TPCN1: variants seen among roughly 807,000 people sequenced by gnomAD.
TPCN1 encodes two pore segment channel 1, also known as two pore channel protein 1.
A neutral mutation model predicts 108.8 loss-of-function variants in TPCN1; 52 were observed. The ratio of observed to expected loss-of-function variants is 0.48; its 90% CI spans 0.38 to 0.60. The LOEUF is 0.60. TPCN1 is among the 20% of genes least tolerant of loss of function. TPCN1 has a pLI of 0.00. For missense variants in TPCN1, 806 were observed against 1,072.8 expected, an observed-to-expected ratio of 0.75 and a Z score of 3.47; for synonymous variants, 446 against 433.7, an observed-to-expected ratio of 1.03 and a Z score of -0.35.
intron 2 of TPCN1, among the ~76,000 whole-genome samples, chr12:113,254,121 A>G (rs1249322854): frequency 6.6e-6 from 1 of 152,230 alleles, no homozygotes; most frequent in African/African-American, 2.4e-5. Flanking sequence ...CAAACCACCA[A>G]AGCTTTCTCA....
chr12:113,249,417 G>C (rs1954542759), intron 2 of TPCN1: 1 of 152,238 alleles, frequency 6.6e-6, no homozygotes. Context: ...CTCTGGATGG[G>C]GAGCCAGGAA....
chr12:113,290,835 A>G, intron 22 of TPCN1, 117 bp from the exon 23 acceptor site: 1 of 960,928 alleles, frequency 1.0e-6, no homozygotes, highest in South Asian at 1.3e-5. Context: ...CCAAGCGGTC[A>G]TATGGTGACC....
rs1032408617 is a variant in TPCN1 at position 113,288,568 on chromosome 12, G to A, written c.1707-190G>A. On this transcript the variant is annotated intron_variant, in intron 20 of 27. Coordinates refer to ENST00000335509, the MANE Select transcript of TPCN1 (RefSeq NM_017901.6). This position sits in a 1 kb window ranked among gnomAD's most constrained non-coding sequence, Gnocchi z 4.8. ...TGGGAAAGGGGCATTTGTTCATAGC[G>A]TCCTGACTTGAGCTGTTTTTCACCC... 2.9e-5 allele frequency: 43 copies of A among 1,468,940 alleles called. No individual in the cohort carries two copies. Among genetic ancestry groups the A allele is most frequent in the East Asian group, 7.4e-5 (3 of 40,348 alleles). The allele number at this position is 1,468,940 out of a possible 1,614,324, so 91.0% of individuals were successfully genotyped here. A position where few individuals can be genotyped will look rare whatever the true frequency, so the allele number is the denominator to read the frequency against.
intron 11 of TPCN1, 38 bp downstream of exon 11, chr12:113,277,073 C>T: frequency 6.3e-7 from 1 of 1,595,382 alleles, no homozygotes; most frequent in Non-Finnish European, 8.6e-7. Flanking sequence ...TGGTCCCTGT[C>T]CTCCCTCCCT....
In TPCN1 at chr12:113,273,559, G is replaced by A; in HGVS notation, c.843-10G>A. 3 of 1,611,208 alleles carry A rather than the reference G, an allele frequency of 1.9e-6. No homozygotes were observed. Among genetic ancestry groups the A allele is most frequent in the African/African-American group, 1.3e-5 (1 of 74,976 alleles). ...GATACAGCACGCCGGGTCACCCTCT[G>A]CAAATACAGTTTCCCAGATGTGATG... On this transcript the variant is annotated splice_polypyrimidine_tract_variant and intron_variant, in intron 9 of 27. Transcript: ENST00000335509. This position sits in a 1 kb window ranked among gnomAD's most constrained non-coding sequence, Gnocchi z 4.0.
intron 2 of TPCN1, among the ~76,000 whole-genome samples, chr12:113,257,841 G>A (rs1233914762): frequency 6.6e-6 from 1 of 152,106 alleles, no homozygotes; most frequent in Non-Finnish European, 1.5e-5. Context: ...GGTACACAGT[G>A]CAATGTGGAT....
rs751318354 is a variant in TPCN1, at chr12:113,293,306, C to T, written c.2291C>T (p.Thr764Ile). ...SMVFLGRRSRTKSDLSLKMYQ... is the reference protein window; with the variant it reads ...SMVFLGRRSRIKSDLSLKMYQ... ...GTGTTTCTGGGACGGCGATCAAGGA[C>T]CAAGAGCGACCTGAGCCTGAAGATG... Residue 764 changes from threonine to isoleucine, a missense_variant, in exon 27 of 28, where the codon ACC (threonine) becomes ATC (isoleucine). Transcript: ENST00000335509. 6.2e-7 allele frequency: 1 copy of T among 1,614,082 alleles called. No individual in the cohort carries two copies. Among genetic ancestry groups the T allele is most frequent in the Non-Finnish European group, 8.5e-7 (1 of 1,180,034 alleles).
Position 113,269,555 on chromosome 12 carries a change from C to T in TPCN1, c.660-202C>T, listed in dbSNP as rs1204091252. On this transcript the variant is annotated intron_variant, in intron 6 of 27. Coordinates refer to ENST00000335509, the MANE Select transcript of TPCN1 (RefSeq NM_017901.6). This position sits in a 1 kb window ranked among gnomAD's most constrained non-coding sequence, Gnocchi z 5.0. The stretch of plus-strand genomic sequence containing the variant: ...ACCAGGTGGAGGTGGCTGTGTGCTA[C>T]GCCTGCCCTAGTTCTTCCCTGCCAT... Among the ~76,000 whole-genome samples the T allele has an allele frequency of 2.0e-5, 3 of 152,170 alleles. No individual in the cohort carries two copies. Among genetic ancestry groups the T allele is most frequent in the African/African-American group, 4.8e-5 (2 of 41,434 alleles).
At chr12:113,265,552 T>C (rs534559990) in intron 3 of TPCN1, among the ~76,000 whole-genome samples, 20 of 150,840 alleles carry the variant, frequency 1.3e-4, no homozygotes, top group South Asian at 1.0e-3. Flanking sequence ...TTCTTTCTTT[T>C]TTTTTTTTTT....
chr12:113,270,120 C>T (rs564633200), intron 7 of TPCN1, among the ~76,000 whole-genome samples: 4 of 151,900 alleles, frequency 2.6e-5, no homozygotes, highest in South Asian at 2.1e-4. Flanking sequence ...TGCTTGAACC[C>T]GGGAGGCCAA....
At chr12:113,264,436 T>G (rs1955166896) in intron 3 of TPCN1, among the ~76,000 whole-genome samples, 1 of 152,154 alleles carries the variant, frequency 6.6e-6, no homozygotes, top group Non-Finnish European at 1.5e-5. Context: ...CCCAGCACTT[T>G]GGGAGGCTGA....
rs987628563 is a variant in TPCN1, at chr12:113,229,243, A to G, written c.112+2279A>G. Reference sequence around the variant, plus strand: ...GGTCCAGGGACATTGTTTTTCCTGTACAGCACATTAGTATCTTAGTTTCTT... The same window carrying G: ...GGTCCAGGGACATTGTTTTTCCTGTGCAGCACATTAGTATCTTAGTTTCTT... On this transcript the variant is annotated intron_variant, in intron 2 of 27. Coordinates refer to ENST00000335509, the MANE Select transcript of TPCN1 (RefSeq NM_017901.6). Among the ~76,000 whole-genome samples, 2 of 152,354 alleles carry G rather than the reference A, an allele frequency of 1.3e-5. 1 individual carries two copies. The highest frequency in any genetic ancestry group is 4.1e-4 in the South Asian group (2 of 4,834).
chr12:113,233,658 G>A (rs1004215121), intron 2 of TPCN1, among the ~76,000 whole-genome samples: 2 of 152,248 alleles, frequency 1.3e-5, no homozygotes, highest in Non-Finnish European at 2.9e-5. Context: ...GGATGTGCCT[G>A]GGTCAGGGTA....
chr12:113,286,058 C>T (rs909195682), intron 18 of TPCN1, 97 bp downstream of exon 18: 4 of 1,125,766 alleles, frequency 3.6e-6, no homozygotes, highest in Non-Finnish European at 4.0e-6. Flanking sequence ...TTTCTGGAAT[C>T]GCAGAGGGAG....
chr12:113,252,272 G>T (rs1287643064), intron 2 of TPCN1, among the ~76,000 whole-genome samples: 2 of 152,202 alleles, frequency 1.3e-5, no homozygotes, highest in African/African-American at 4.8e-5. Context: ...ATTGAGGCTT[G>T]TTAGCAAGGA....
intron 1 of TPCN1, 98 bp downstream of exon 1, chr12:113,221,724 T>C: frequency 6.4e-6 from 1 of 156,934 alleles, no homozygotes; most frequent in South Asian, 1.8e-4. Context: ...AGCACTCTGG[T>C]GTGGGAGGTG....
intron 15 of TPCN1, among the ~76,000 whole-genome samples, chr12:113,282,345 G>T (rs963145181): frequency 7.3e-5 from 11 of 151,376 alleles, no homozygotes; most frequent in Non-Finnish European, 1.6e-4. Context: ...CACCTGCCTC[G>T]GCCTCCCAAA....
chr12:113,251,600 A>C (rs1210574412), intron 2 of TPCN1, among the ~76,000 whole-genome samples: 1 of 152,246 alleles, frequency 6.6e-6, no homozygotes, highest in Non-Finnish European at 1.5e-5. Context: ...GGCTCCAGCC[A>C]GCTCCCTGCA....
intron 18 of TPCN1, among the ~76,000 whole-genome samples, chr12:113,286,614 G>A (rs951183241): frequency 1.7e-4 from 26 of 152,346 alleles, no homozygotes; most frequent in African/African-American, 6.3e-4. Flanking sequence ...CTGGTCTGCA[G>A]TGTGTAACCA....
Sources: allele counts gnomAD v4.1 joint callset (sites outside exome capture counted in the v4.1 genomes callset), GRCh38; gene constraint gnomAD v4.1.1; non-coding constraint Gnocchi (gnomAD v3.1); transcripts MANE v1.5; gene names NCBI Gene and HGNC (gene_info 2026-07-23, HGNC 2026-07-21).